ZBTB10: variants seen among roughly 807,000 people sequenced by gnomAD.
ZBTB10 encodes zinc finger and BTB domain-containing protein 10.
A neutral mutation model predicts 76.4 loss-of-function variants in ZBTB10; 32 were observed. The ratio of observed to expected loss-of-function variants is 0.42; its 90% CI spans 0.32 to 0.56. The LOEUF is 0.56. Ranked by LOEUF, ZBTB10 falls within the 20% of genes least tolerant of loss-of-function variation. ZBTB10 has a pLI of 0.14. For synonymous variants in ZBTB10, 523 were observed against 432.9 expected, an observed-to-expected ratio of 1.21 and a Z score of -2.58; for missense variants, 1,057 against 1,098.5, an observed-to-expected ratio of 0.96 and a Z score of 0.53.
Position 80,524,833 on chromosome 8 carries a change from G to A in ZBTB10, c.*5305G>A, listed in dbSNP as rs971959211. ...TGAAATGGGGCTGCTTCAGAAAAAG[G>A]TCTACCACTGGAGATAACGCTATGA... On this transcript the variant is annotated 3_prime_UTR_variant, in exon 6 of 6. Coordinates refer to ENST00000455036, the MANE Select transcript of ZBTB10 (RefSeq NM_001105539.3). 6.6e-6 allele frequency: 1 copy of A among 152,062 alleles called. No homozygotes were observed. The highest frequency in any genetic ancestry group is 2.4e-5 in the African/African-American group (1 of 41,438). The allele number at this position is 152,062 out of a possible 1,614,324, so 9.4% of individuals were successfully genotyped here. A position where few individuals can be genotyped will look rare whatever the true frequency, so the allele number is the denominator to read the frequency against.
Position 80,500,093 on chromosome 8 carries a change from C to T in ZBTB10, c.1572C>T (p.Asp524=), listed in dbSNP as rs564074208. Residue 524 remains aspartate, a synonymous_variant, in exon 2 of 6, where the codon GAC becomes GAT. Transcript: ENST00000455036. ...VKIENDGCNV[D]EGQIENYQMN... ...TTGAAAATGATGGTTGTAATGTCGA[C>T]GAGGGCCAAATAGAAAACTACCAAA... The T allele has an allele frequency of 1.5e-5, 25 of 1,613,768 alleles. No individual in the cohort carries two copies. The highest frequency in any genetic ancestry group is 4.5e-5 in the East Asian group (2 of 44,880).
upstream of ZBTB10, chr8:80,485,941 C>G (rs936940627): frequency 4.7e-5 from 70 of 1,496,162 alleles, no homozygotes; most frequent in Middle Eastern, 5.2e-4. Context: ...TGTTTGTCCT[C>G]CGCGTAGCCC....
chr8:80,499,995 T>G lies in ZBTB10; in HGVS notation c.1474T>G (p.Ser492Ala), dbSNP rs763659566. 1.2e-6 allele frequency: 2 copies of G among 1,613,950 alleles called. No homozygotes were observed. Among genetic ancestry groups the G allele is most frequent in the South Asian group, 1.1e-5 (1 of 91,080 alleles). ...RKPVNRDGLS[S>A]SRDQKIASFW... The stretch of plus-strand genomic sequence containing the variant: ...ACCAGTTAATAGAGATGGTCTGTCT[T>G]CATCACGGGATCAAAAAATTGCCAG... The change falls in exon 2 of 6, where the codon TCA becomes GCA. Residue 492 changes from serine (S) to alanine (A), a missense_variant. Around this residue, in one of 5 missense-constraint regions of ZBTB10, gnomAD observed 306 missense variants for 297.5 expected, o/e 1.03. Coordinates refer to ENST00000455036, the MANE Select transcript of ZBTB10 (RefSeq NM_001105539.3).
intron 1 of ZBTB10, among the ~76,000 whole-genome samples, chr8:80,489,998 T>G (rs867591333): frequency 2.6e-5 from 4 of 152,338 alleles, no homozygotes; most frequent in South Asian, 2.1e-4. Context: ...ATGAGTAACA[T>G]GAGTAACAGG....
chr8:80,488,118 A>G (rs1173662812), intron 1 of ZBTB10, among the ~76,000 whole-genome samples: 2 of 152,198 alleles, frequency 1.3e-5, no homozygotes, highest in African/African-American at 4.8e-5. Flanking sequence ...CTTTGCGGTA[A>G]AAAAATTTTA....
chr8:80,488,632 A>C (rs550337733), intron 1 of ZBTB10, among the ~76,000 whole-genome samples: 1 of 152,358 alleles, frequency 6.6e-6, no homozygotes, highest in South Asian at 2.1e-4. Context: ...CTTACAAAAC[A>C]AGTAAGCTGT....
upstream of ZBTB10, chr8:80,486,085 C>T (rs1370855550): frequency 9.9e-7 from 1 of 1,007,642 alleles, no homozygotes; most frequent in African/African-American, 1.8e-5. Context: ...CAGCCCAGCC[C>T]CTTTCCCGGT....
intron 2 of ZBTB10, among the ~76,000 whole-genome samples, chr8:80,513,670 G>A (rs1005773764): frequency 6.6e-6 from 1 of 152,190 alleles, no homozygotes; most frequent in African/African-American, 2.4e-5. Context: ...CACATAGCCT[G>A]TAACAGAAAC....
intron 1 of ZBTB10, among the ~76,000 whole-genome samples, chr8:80,495,634 T>G (rs3863247): frequency 0.27 from 40,516 of 151,964 alleles, 6,151 homozygotes; most frequent in African/African-American, 0.42. Flanking sequence ...CTGAATCATT[T>G]TGCTTCCTAG....
chr8:80,509,440 G>T (rs1251381169), intron 2 of ZBTB10, among the ~76,000 whole-genome samples: 1 of 152,030 alleles, frequency 6.6e-6, no homozygotes, highest in Non-Finnish European at 1.5e-5. Flanking sequence ...CTAATGGTTG[G>T]AATATTGAGA....
intron 3 of ZBTB10, among the ~76,000 whole-genome samples, chr8:80,517,105 G>A (rs914077605): frequency 5.3e-5 from 8 of 152,192 alleles, no homozygotes; most frequent in Admixed American, 2.6e-4. Context: ...AGCTTTGGAG[G>A]ATATTGAAAG....
intron 1 of ZBTB10, among the ~76,000 whole-genome samples, chr8:80,494,481 C>A (rs2131480417): frequency 1.3e-5 from 2 of 152,248 alleles, no homozygotes; most frequent in Middle Eastern, 3.4e-3. Flanking sequence ...CCCTATGATT[C>A]TCTCCCTCCA....
At position 80,487,425 on chromosome 8, in the gene ZBTB10, C is replaced by T. The variant is rs1219870053; in HGVS notation, c.615C>T (p.Ser205=). ...GCGGGGCGGAAGGCGGCAGCTGCAG[C>T]AGCAGCAGGCGGTCGGGCGGCGATG... is the stretch of plus-strand genomic sequence containing the variant. ...DGSGAEGGSC[S]SSRRSGGDGG... The change falls in exon 1 of 6, where the codon AGC becomes AGT. Residue 205 remains serine (S), a synonymous_variant. Coordinates refer to ENST00000455036, the MANE Select transcript of ZBTB10 (RefSeq NM_001105539.3). The T allele has an allele frequency of 3.2e-6, 5 of 1,542,794 alleles. No individual in the cohort carries two copies. Among genetic ancestry groups the T allele is most frequent in the Admixed American group, 2.0e-5 (1 of 50,554 alleles).
intron 1 of ZBTB10, among the ~76,000 whole-genome samples, chr8:80,494,308 G>C (rs1271804548): frequency 6.6e-6 from 1 of 152,140 alleles, no homozygotes; most frequent in Non-Finnish European, 1.5e-5. Context: ...TTTTCCTATT[G>C]TTAACGGATT....
Position 80,486,636 on chromosome 8 carries a change from AC to A in ZBTB10, c.-172del. On this transcript the variant is annotated 5_prime_UTR_variant, in exon 1 of 6. Transcript: ENST00000455036. The stretch of plus-strand genomic sequence containing the variant: ...CAGCGGCAGCGGACGCGTGCAGCAG[AC>A]CCGGGAGCGAGCGCGAGCCGGGCTG... 1 of 983,624 alleles carries A rather than the reference AC, an allele frequency of 1.0e-6. No homozygotes were observed. The highest frequency in any genetic ancestry group is 1.2e-6 in the Non-Finnish European group (1 of 830,620). The allele number at this position is 983,624 out of a possible 1,614,324, so 60.9% of individuals were successfully genotyped here. A position where few individuals can be genotyped will look rare whatever the true frequency, so the allele number is the denominator to read the frequency against.
In ZBTB10 at chr8:80,487,566, C is replaced by T. The variant is rs1315576591; in HGVS notation, c.756C>T (p.Thr252=). ...AGAAGCTCCAATGCTCCTTCCAGAC[C>T]TCCTGGCTCAAGGACTTTCCCTGGC... ...LMQKLQCSFQ[T]SWLKDFPWLR... is the part of the protein sequence containing the mutation. The change falls in exon 1 of 6, where the codon ACC becomes ACT. Residue 252 remains threonine (T), a synonymous_variant. Transcript: ENST00000455036. 8.7e-6 allele frequency: 14 copies of T among 1,610,508 alleles called. No homozygotes were observed. The East Asian group carries it at 8.9e-5, about 10-fold the overall frequency.
intron 2 of ZBTB10, among the ~76,000 whole-genome samples, chr8:80,508,174 T>C (rs910150443): frequency 1.4e-4 from 21 of 152,222 alleles, no homozygotes; most frequent in Non-Finnish European, 2.6e-4. Context: ...GAAGAAGTCT[T>C]ATGTGGGTCA....
At chr8:80,485,626 C>A, upstream of ZBTB10, 1 of 560,038 alleles carries the variant, frequency 1.8e-6, no homozygotes, top group Admixed American at 3.7e-5. Context: ...TGTGAAATGA[C>A]TACTGTCCGG....
chr8:80,512,271 G>A (rs940719637), intron 2 of ZBTB10, among the ~76,000 whole-genome samples: 5 of 152,176 alleles, frequency 3.3e-5, no homozygotes, highest in African/African-American at 1.2e-4. Context: ...TACACTGCTT[G>A]TCTCTGCTGT....
Sources: allele counts gnomAD v4.1 joint callset (sites outside exome capture counted in the v4.1 genomes callset), GRCh38; gene constraint gnomAD v4.1.1; regional missense constraint gnomAD v4.1.1; transcripts MANE v1.5; gene names NCBI Gene and HGNC (gene_info 2026-07-23, HGNC 2026-07-21).